LCOR: variants seen among roughly 807,000 people sequenced by gnomAD.
LCOR encodes ligand-dependent corepressor.
In LCOR, 14 loss-of-function variants were observed where a neutral mutation model predicts 64.4. That is an observed-to-expected ratio of 0.22 (90% CI 0.14 to 0.34). The LOEUF is 0.34. Among genes scored for constraint, LCOR ranks in the 10% least tolerant of loss-of-function variants. The probability of loss-of-function intolerance (pLI) is 1.00; values close to 1 mark genes in which losing one functional copy is unlikely to be tolerated. For synonymous variants in LCOR, 643 were observed against 642.5 expected, an observed-to-expected ratio of 1.00 and a Z score of -0.01; for missense variants, 1,686 against 1,765.3, an observed-to-expected ratio of 0.96 and a Z score of 0.80.
intron 7 of LCOR, among the ~76,000 whole-genome samples, chr10:96,979,683 AT>A (rs1848066395): frequency 6.6e-6 from 1 of 152,216 alleles, no homozygotes; most frequent in Non-Finnish European, 1.5e-5. Context: ...GTGTGGCTTC[AT>A]AGCTATCTCC....
At position 96,990,390 on chromosome 10, in the gene LCOR, A is replaced by ATT. The variant is rs111407034; in HGVS notation, c.*5269_*5270dup. 6.9e-5 allele frequency: 10 copies of ATT among 145,058 alleles called. No homozygotes were observed. The highest frequency in any genetic ancestry group is 2.2e-4 in the South Asian group (1 of 4,580). The allele number at this position is 145,058 out of a possible 1,614,324, so 9.0% of individuals were successfully genotyped here. A position where few individuals can be genotyped will look rare whatever the true frequency, so the allele number is the denominator to read the frequency against. ...AGGTGCATGCCACCACACCCAGTTA[A>ATT]TTTTTTTTTTTTTTCCAGTTTTAGC... On this transcript the variant is annotated 3_prime_UTR_variant, in exon 8 of 8. Coordinates refer to ENST00000421806, the MANE Select transcript of LCOR (RefSeq NM_001346516.2).
rs531884324 is a variant in LCOR, at chr10:96,973,834, A to G, written c.333-6959A>G. On this transcript the variant is annotated intron_variant, in intron 7 of 7. Coordinates refer to ENST00000421806, the MANE Select transcript of LCOR (RefSeq NM_001346516.2). ...TCAGTGATATTGCCTTTGCTCATCA[A>G]GCAGTTATTGGTAGTTAGAGAGTAA... Among the ~76,000 whole-genome samples the G allele has an allele frequency of 9.8e-5, 15 of 152,340 alleles. No individual in the cohort carries two copies. In the East Asian group the frequency reaches 2.7e-3, roughly 27 times the overall value.
At chr10:96,927,184 A>G (rs1472176261) in intron 4 of LCOR, among the ~76,000 whole-genome samples, 1 of 152,182 alleles carries the variant, frequency 6.6e-6, no homozygotes, top group Non-Finnish European at 1.5e-5. Flanking sequence ...TGGTATCATC[A>G]GTCTTTTTAA....
chr10:96,903,868 T>A (rs1846684821), intron 2 of LCOR, among the ~76,000 whole-genome samples: 2 of 152,196 alleles, frequency 1.3e-5, no homozygotes, highest in Non-Finnish European at 2.9e-5. Context: ...AGAGAAACAT[T>A]GCTTTCTAGC....
intron 2 of LCOR, among the ~76,000 whole-genome samples, chr10:96,870,272 A>G (rs191894400): frequency 6.6e-6 from 1 of 152,094 alleles, no homozygotes; most frequent in East Asian, 1.9e-4. Flanking sequence ...CGGCCTCCCA[A>G]AGTGCTGGGA....
chr10:96,915,554 T>A (rs1316810722), intron 4 of LCOR: 2 of 641,786 alleles, frequency 3.1e-6, no homozygotes, highest in Middle Eastern at 4.7e-4. Context: ...TCTGCATTTT[T>A]ATGAAACTTG....
chr10:96,960,491 A>G (rs1434940519), intron 7 of LCOR: 1 of 152,126 alleles, frequency 6.6e-6, no homozygotes, highest in African/African-American at 2.4e-5. Context: ...TTTCATATTA[A>G]TCACTCTTTT....
chr10:96,861,043 T>C (rs1459407528), intron 2 of LCOR, among the ~76,000 whole-genome samples: 2 of 152,174 alleles, frequency 1.3e-5, no homozygotes, highest in Non-Finnish European at 2.9e-5. Flanking sequence ...GCAAACAGAG[T>C]TGGATAACAC....
rs1162848829 is a variant in LCOR at position 96,991,235 on chromosome 10, G to A, written c.*6101G>A. On this transcript the variant is annotated 3_prime_UTR_variant, in exon 8 of 8. Coordinates refer to ENST00000421806, the MANE Select transcript of LCOR (RefSeq NM_001346516.2). The stretch of plus-strand genomic sequence containing the variant: ...TTTTAGATTTTAGAGTGTCTTGCCT[G>A]TTCATCTCAGTACACAGCTGCTGTT... The A allele has an allele frequency of 6.6e-6, 1 of 151,920 alleles. No individual in the cohort carries two copies. 9.4% of individuals were successfully genotyped at this position (151,920 alleles called of 1,614,324 possible).
In LCOR at chr10:96,989,687, ATATATATATTTTTTTT is replaced by A. The variant is rs1275472368; in HGVS notation, c.*4555_*4570del. On this transcript the variant is annotated 3_prime_UTR_variant, in exon 8 of 8. Transcript: ENST00000421806. ...CTCAAGGATAAGGATATATATATAT[ATATATATATTTTTTTT>A]TTTTTTTTTTTTTTTTAATAGAGAC... 1.3e-5 allele frequency: 1 copy of A among 75,212 alleles called. No individual in the cohort carries two copies. 4.7% of individuals were successfully genotyped at this position (75,212 alleles called of 1,614,324 possible).
chr10:96,833,013 G>C (rs1158031696), intron 1 of LCOR: 1 of 985,392 alleles, frequency 1.0e-6, no homozygotes, highest in African/African-American at 1.7e-5. Flanking sequence ...CAGTCCCCGG[G>C]TGCGCCTGAC....
intron 7 of LCOR, among the ~76,000 whole-genome samples, chr10:96,954,638 A>G (rs1847735706): frequency 6.6e-6 from 1 of 152,098 alleles, no homozygotes; most frequent in African/African-American, 2.4e-5. Context: ...AATAATTAAG[A>G]TGCTATTTTC....
chr10:96,850,813 A>T (rs776003177), intron 2 of LCOR, among the ~76,000 whole-genome samples: 1 of 152,218 alleles, frequency 6.6e-6, no homozygotes, highest in African/African-American at 2.4e-5. Context: ...AAATTTATTG[A>T]CAGATTTTCT....
At chr10:96,925,585 T>C (rs1847155177) in intron 4 of LCOR, among the ~76,000 whole-genome samples, 1 of 152,208 alleles carries the variant, frequency 6.6e-6, no homozygotes, top group Non-Finnish European at 1.5e-5. Flanking sequence ...ATGTTAACTT[T>C]GTTTTTACTT....
At chr10:96,920,221 G>T (rs772895725) in intron 4 of LCOR, among the ~76,000 whole-genome samples, 2 of 151,326 alleles carry the variant, frequency 1.3e-5, no homozygotes, top group Non-Finnish European at 2.9e-5. Flanking sequence ...GTAGTATCTC[G>T]TTGTGGTTTT....
At chr10:96,978,110 C>T (rs993685901) in intron 7 of LCOR, among the ~76,000 whole-genome samples, 3 of 152,166 alleles carry the variant, frequency 2.0e-5, no homozygotes, top group African/African-American at 7.2e-5. Flanking sequence ...GACATAGTGA[C>T]AAAGTTCTTC....
chr10:96,962,587 C>T (rs1034671844), intron 7 of LCOR: 1 of 152,034 alleles, frequency 6.6e-6, no homozygotes, highest in Non-Finnish European at 1.5e-5. Context: ...GATTAAAAGT[C>T]TAATCCTATA....
intron 7 of LCOR, among the ~76,000 whole-genome samples, chr10:96,972,317 G>A (rs927605716): frequency 2.6e-5 from 4 of 151,634 alleles, no homozygotes; most frequent in South Asian, 2.1e-4. Flanking sequence ...CCATATATAC[G>A]TTAGATTTTG....
At chr10:96,955,267 G>C in intron 7 of LCOR, 2 of 1,614,120 alleles carry the variant, frequency 1.2e-6, no homozygotes, top group Non-Finnish European at 1.7e-6. Context: ...GGTGCACTCA[G>C]CAACATCAGT....
Sources: gnomAD v4.1 joint callset for allele counts (sites outside exome capture counted in the v4.1 genomes callset) on GRCh38, gnomAD v4.1.1 for gene constraint, MANE v1.5 for transcripts, NCBI Gene and HGNC (gene_info 2026-07-23, HGNC 2026-07-21) for gene names.